CTNNA3: variants seen among roughly 807,000 people sequenced by gnomAD.
CTNNA3 encodes catenin alpha-3.
Under a neutral mutation model 95.7 loss-of-function variants are expected in CTNNA3, and 76 were observed. The ratio of observed to expected loss-of-function variants is 0.79; its 90% CI spans 0.66 to 0.96. CTNNA3 has a LOEUF of 0.96. CTNNA3 is among the 40% of genes least tolerant of loss of function. The pLI is 0.00. For missense variants in CTNNA3, 1,191 were observed against 1,089.8 expected, an observed-to-expected ratio of 1.09 and a Z score of -1.31; for synonymous variants, 431 against 374.4, an observed-to-expected ratio of 1.15 and a Z score of -1.74.
At chr10:66,886,420 T>C (rs552073197) in intron 7 of CTNNA3, among the ~76,000 whole-genome samples, 172 of 152,236 alleles carry the variant, frequency 1.1e-3, no homozygotes, top group Non-Finnish European at 1.9e-3. Flanking sequence ...AATGTCTGCC[T>C]TCATCACATC....
chr10:67,013,125 A>G (rs1852444528), intron 7 of CTNNA3: 1 of 152,166 alleles, frequency 6.6e-6, no homozygotes, highest in African/African-American at 2.4e-5. Context: ...ACATGGAGAA[A>G]TTAAGGCTCA....
chr10:66,315,728 C>T (rs1484077508), intron 12 of CTNNA3, among the ~76,000 whole-genome samples: 2 of 151,910 alleles, frequency 1.3e-5, no homozygotes, highest in East Asian at 3.9e-4. Flanking sequence ...AGATTCTGAC[C>T]TAAGGAGAAA....
intron 7 of CTNNA3, among the ~76,000 whole-genome samples, chr10:67,011,537 T>C (rs912718651): frequency 1.3e-5 from 2 of 152,176 alleles, no homozygotes; most frequent in Non-Finnish European, 1.5e-5. Context: ...TCAATATTTA[T>C]GGAAACTTTC....
chr10:66,189,422 G>A (rs1354749055), intron 13 of CTNNA3, among the ~76,000 whole-genome samples: 1 of 151,346 alleles, frequency 6.6e-6, no homozygotes, highest in Non-Finnish European at 1.5e-5. Context: ...TCATTCTTTT[G>A]CATATGGATA....
intron 8 of CTNNA3, among the ~76,000 whole-genome samples, chr10:66,769,341 C>A (rs1201828090): frequency 6.6e-6 from 1 of 152,168 alleles, no homozygotes; most frequent in Admixed American, 6.6e-5. Context: ...GTATCTCTCC[C>A]ACTGAAATCA....
intron 9 of CTNNA3, among the ~76,000 whole-genome samples, chr10:66,646,457 T>G (rs1486748151): frequency 2.0e-5 from 3 of 152,134 alleles, no homozygotes; most frequent in Admixed American, 6.5e-5. Flanking sequence ...TGACCTTTTT[T>G]GGGGCAAGTG....
chr10:65,934,668 A>G (rs1393588485), intron 17 of CTNNA3, among the ~76,000 whole-genome samples: 1 of 152,170 alleles, frequency 6.6e-6, no homozygotes, highest in Admixed American at 6.6e-5. Context: ...GTATTGAGAT[A>G]TTGTTTAACA....
intron 7 of CTNNA3, among the ~76,000 whole-genome samples, chr10:67,100,762 T>C (rs2131943087): frequency 6.6e-6 from 1 of 151,784 alleles, no homozygotes; most frequent in African/African-American, 2.4e-5. Flanking sequence ...ATTATCTCAT[T>C]TTGTCTTCAT....
intron 7 of CTNNA3, among the ~76,000 whole-genome samples, chr10:67,171,335 G>A (rs1238253711): frequency 6.6e-6 from 1 of 152,138 alleles, no homozygotes; most frequent in Non-Finnish European, 1.5e-5. Context: ...AGCACTTTGG[G>A]AGGCTGAGAC....
intron 7 of CTNNA3, among the ~76,000 whole-genome samples, chr10:67,002,044 A>G (rs1490817904): frequency 6.6e-6 from 1 of 152,160 alleles, no homozygotes; most frequent in Non-Finnish European, 1.5e-5. Context: ...TGGTTGACTG[A>G]CCATACTCAA....
intron 7 of CTNNA3, among the ~76,000 whole-genome samples, chr10:67,088,936 A>C (rs928891588): frequency 6.6e-6 from 1 of 152,082 alleles, no homozygotes; most frequent in African/African-American, 2.4e-5. Context: ...AAAAAATAAC[A>C]ATACAATTAA....
intron 11 of CTNNA3, among the ~76,000 whole-genome samples, chr10:66,427,025 T>A (rs1564951709): frequency 6.6e-6 from 1 of 152,058 alleles, no homozygotes; most frequent in Non-Finnish European, 1.5e-5. Flanking sequence ...TTTCTTTAAA[T>A]TTTAGCTTTT....
At chr10:67,425,698 GAT>G (rs1451834495) in intron 5 of CTNNA3, among the ~76,000 whole-genome samples, 1 of 152,040 alleles carries the variant, frequency 6.6e-6, no homozygotes, top group African/African-American at 2.4e-5. Flanking sequence ...TCTCGAAGCT[GAT>G]ATCACTCACT....
At chr10:66,883,255 T>G (rs943236081) in intron 7 of CTNNA3, among the ~76,000 whole-genome samples, 2 of 152,088 alleles carry the variant, frequency 1.3e-5, no homozygotes, top group African/African-American at 2.4e-5. Context: ...ATCCAGGACC[T>G]TACGTGGACT....
chr10:67,057,344 T>A (rs927050454), intron 7 of CTNNA3, among the ~76,000 whole-genome samples: 11 of 152,260 alleles, frequency 7.2e-5, no homozygotes, highest in Admixed American at 6.5e-4. Context: ...TTATTAACTA[T>A]AGTCACCATG....
At chr10:66,143,948 CAATT>C (rs1337222577) in intron 13 of CTNNA3, among the ~76,000 whole-genome samples, 1 of 152,152 alleles carries the variant, frequency 6.6e-6, no homozygotes, top group African/African-American at 2.4e-5. Context: ...ATTAATAACT[CAATT>C]ATAAGTTTAA....
intron 7 of CTNNA3, among the ~76,000 whole-genome samples, chr10:66,839,993 G>A (rs559516288): frequency 6.6e-6 from 1 of 152,092 alleles, no homozygotes; most frequent in South Asian, 2.1e-4. Flanking sequence ...AATTAGCTCT[G>A]GTAATGAAAA....
At chr10:67,638,952 G>C (rs1458759158) in intron 2 of CTNNA3, among the ~76,000 whole-genome samples, 1 of 152,240 alleles carries the variant, frequency 6.6e-6, no homozygotes. Context: ...AAAAGAACTA[G>C]AGAAGCAAGA....
At chr10:66,882,111 T>G (rs568547138) in intron 7 of CTNNA3, among the ~76,000 whole-genome samples, 1 of 152,052 alleles carries the variant, frequency 6.6e-6, no homozygotes, top group Non-Finnish European at 1.5e-5. Context: ...GAAAATGCCC[T>G]ATACATATCA....
Sources: allele counts gnomAD v4.1 joint callset (sites outside exome capture counted in the v4.1 genomes callset), GRCh38; gene constraint gnomAD v4.1.1; transcripts MANE v1.5; gene names NCBI Gene and HGNC (gene_info 2026-07-23, HGNC 2026-07-21).